Variants in PTPRO observed in about 807,000 individuals in gnomAD.
PTPRO encodes protein tyrosine phosphatase receptor type O.
Under a neutral mutation model 145.2 loss-of-function variants are expected in PTPRO, and 62 were observed. The observed-to-expected ratio is 0.43, with a 90% CI of 0.35 to 0.53. The LOEUF is 0.53. Among genes scored for constraint, PTPRO ranks in the 20% least tolerant of loss-of-function variants. The pLI is 0.01. For synonymous variants in PTPRO, 565 were observed against 514.7 expected, an observed-to-expected ratio of 1.10 and a Z score of -1.32; for missense variants, 1,345 against 1,482.7, an observed-to-expected ratio of 0.91 and a Z score of 1.53.
chr12:15,325,619 T>A (rs1306361306), intron 1 of PTPRO, among the ~76,000 whole-genome samples: 1 of 152,236 alleles, frequency 6.6e-6, no homozygotes. Flanking sequence ...TATGGATGAA[T>A]GCAAGTGAGG....
chr12:15,394,883 C>G (rs1362224397), intron 1 of PTPRO, among the ~76,000 whole-genome samples: 1 of 152,166 alleles, frequency 6.6e-6, no homozygotes, highest in Non-Finnish European at 1.5e-5. Context: ...TCAACCCAAA[C>G]TCTACTTATC....
chr12:15,589,574 C>T lies in PTPRO; in HGVS notation c.3530C>T (p.Ser1177Phe), dbSNP rs200478856. The T allele has an allele frequency of 8.4e-5, 135 of 1,613,948 alleles. No individual in the cohort carries two copies. The East Asian group carries it at 2.1e-3, about 26-fold the overall frequency. Residue 1177 changes from serine (S) to phenylalanine (F), a missense_variant, in exon 25 of 27, where the codon TCT becomes TTT. Physicochemically the swap from Ser to Phe is radical, Grantham distance 155 (BLOSUM62 -2). Coordinates refer to ENST00000281171, the MANE Select transcript of PTPRO (RefSeq NM_030667.3). ...TCAGAAATGAGGTCATACCGGATGT[C>T]TATGGTACAGACAGAGGTAGGAACA... Reference protein sequence around the residue: ...LVSEMRSYRMSMVQTEEQYIF... With the variant: ...LVSEMRSYRMFMVQTEEQYIF...
intron 1 of PTPRO, among the ~76,000 whole-genome samples, chr12:15,352,607 A>T (rs1241721162): frequency 1.4e-5 from 2 of 148,092 alleles, no homozygotes; most frequent in East Asian, 4.0e-4. Context: ...CCGGGATCGC[A>T]CCACTGCACT....
chr12:15,556,396 C>G (rs1262195105), intron 15 of PTPRO, among the ~76,000 whole-genome samples: 1 of 151,844 alleles, frequency 6.6e-6, no homozygotes. Flanking sequence ...TCCATTAATT[C>G]CGTATAAAGA....
chr12:15,472,036 G>C (rs1314482748), intron 1 of PTPRO, among the ~76,000 whole-genome samples: 1 of 152,200 alleles, frequency 6.6e-6, no homozygotes, highest in Non-Finnish European at 1.5e-5. Context: ...ATGGCCATAA[G>C]TGCTATGTAA....
intron 1 of PTPRO, among the ~76,000 whole-genome samples, chr12:15,355,217 C>T (rs890071740): frequency 3.3e-5 from 5 of 152,108 alleles, no homozygotes; most frequent in African/African-American, 1.2e-4. Context: ...ATATCTGTTC[C>T]TCAGTTATTG....
At chr12:15,387,664 A>G (rs1233801699) in intron 1 of PTPRO, among the ~76,000 whole-genome samples, 1 of 152,218 alleles carries the variant, frequency 6.6e-6, no homozygotes, top group African/African-American at 2.4e-5. Flanking sequence ...ATGCCATCTG[A>G]GTACCCCAGT....
chr12:15,560,455 T>G (rs1485551893), intron 17 of PTPRO, among the ~76,000 whole-genome samples, 179 bp downstream of exon 17: 1 of 152,154 alleles, frequency 6.6e-6, no homozygotes. Flanking sequence ...CTATAAGGTT[T>G]TCCGTTAAAT....
intron 7 of PTPRO, among the ~76,000 whole-genome samples, chr12:15,513,379 A>G (rs1450557099): frequency 6.6e-6 from 1 of 152,134 alleles, no homozygotes; most frequent in Non-Finnish European, 1.5e-5. Flanking sequence ...TAAAAATCTA[A>G]AACTTGTGCA....
At chr12:15,530,556 A>G (rs1448282235) in intron 12 of PTPRO, among the ~76,000 whole-genome samples, 1 of 152,204 alleles carries the variant, frequency 6.6e-6, no homozygotes, top group Non-Finnish European at 1.5e-5. Context: ...TAAGACTAGA[A>G]AGTGGTAACA....
intron 1 of PTPRO, among the ~76,000 whole-genome samples, chr12:15,374,293 G>T (rs1360146875): frequency 6.6e-6 from 1 of 152,140 alleles, no homozygotes; most frequent in Non-Finnish European, 1.5e-5. Context: ...ACTTCAGAGT[G>T]AGGATTTCCA....
chr12:15,326,201 T>C (rs1591703277), intron 1 of PTPRO, among the ~76,000 whole-genome samples: 1 of 152,208 alleles, frequency 6.6e-6, no homozygotes, highest in Admixed American at 6.5e-5. Flanking sequence ...TGTTGGCAGG[T>C]GAACCATAAT....
At chr12:15,591,952 A>G (rs1403643430) in intron 25 of PTPRO, among the ~76,000 whole-genome samples, 1 of 152,150 alleles carries the variant, frequency 6.6e-6, no homozygotes, top group East Asian at 1.9e-4. Flanking sequence ...CTGAACTCTC[A>G]TGGGGAGTTC....
chr12:15,400,624 T>C (rs187470359), intron 1 of PTPRO, among the ~76,000 whole-genome samples: 2 of 152,252 alleles, frequency 1.3e-5, no homozygotes, highest in Admixed American at 6.5e-5. Flanking sequence ...GCTTTCATCA[T>C]ATTCTATACA....
chr12:15,520,324 G>T lies in PTPRO; in HGVS notation c.1891+12G>T. 6.4e-7 allele frequency: 1 copy of T among 1,571,600 alleles called. No individual in the cohort carries two copies. The highest frequency in any genetic ancestry group is 8.8e-7 in the Non-Finnish European group (1 of 1,141,582). ...CAGCTTCATAACAGGTGAGGCATGT[G>T]TGGGGAACAGTTCCACAAGGAGAGA... On this transcript the variant is annotated intron_variant, in intron 10 of 26. Coordinates refer to ENST00000281171, the MANE Select transcript of PTPRO (RefSeq NM_030667.3).
intron 10 of PTPRO, among the ~76,000 whole-genome samples, chr12:15,521,227 GA>G (rs3216543): frequency 1.1e-3 from 149 of 141,214 alleles, no homozygotes; most frequent in East Asian, 2.0e-3. Flanking sequence ...AAATGTATGA[GA>G]AAAAAAAAAA....
intron 1 of PTPRO, among the ~76,000 whole-genome samples, chr12:15,471,725 C>A (rs1941546888): frequency 6.6e-6 from 1 of 152,188 alleles, no homozygotes; most frequent in Non-Finnish European, 1.5e-5. Context: ...CCCCAGTGTT[C>A]TGCTCAGTTT....
intron 1 of PTPRO, among the ~76,000 whole-genome samples, chr12:15,437,722 G>T (rs1940638263): frequency 6.6e-6 from 1 of 152,160 alleles, no homozygotes; most frequent in African/African-American, 2.4e-5. Flanking sequence ...CCACTCTCCT[G>T]GATTAGGAAC....
At chr12:15,423,298 A>T (rs978721466) in intron 1 of PTPRO, among the ~76,000 whole-genome samples, 4 of 152,178 alleles carry the variant, frequency 2.6e-5, no homozygotes, top group African/African-American at 9.6e-5. Context: ...AGTTTTTACA[A>T]TTTACCGATC....
Sources: gnomAD v4.1 joint callset for allele counts (sites outside exome capture counted in the v4.1 genomes callset) on GRCh38, gnomAD v4.1.1 for gene constraint, MANE v1.5 for transcripts, NCBI Gene and HGNC (gene_info 2026-07-23, HGNC 2026-07-21) for gene names.